The following PPM1L variants were observed in gnomAD, a reference collection of about 807,000 sequenced individuals.
PPM1L encodes protein phosphatase, Mg2+/Mn2+ dependent 1L, also known as protein phosphatase 1L.
PPM1L carries 13 observed loss-of-function variants against 31.4 expected under a neutral mutation model. That is an observed-to-expected ratio of 0.41 (90% CI 0.27 to 0.66). PPM1L has a LOEUF of 0.66. PPM1L is among the 30% of genes least tolerant of loss of function. The pLI is 0.29. For synonymous variants in PPM1L, 184 were observed against 175.4 expected, an observed-to-expected ratio of 1.05 and a Z score of -0.39; for missense variants, 326 against 453.7, an observed-to-expected ratio of 0.72 and a Z score of 2.56.
At chr3:160,996,503 T>C (rs915548293) in intron 2 of PPM1L, among the ~76,000 whole-genome samples, 2 of 152,148 alleles carry the variant, frequency 1.3e-5, no homozygotes, top group African/African-American at 2.4e-5. Context: ...CTGGATGGAA[T>C]TGGAGACCAT....
At chr3:160,888,295 T>G (rs1713005184) in intron 1 of PPM1L, among the ~76,000 whole-genome samples, 1 of 152,160 alleles carries the variant, frequency 6.6e-6, no homozygotes, top group African/African-American at 2.4e-5. Flanking sequence ...CCCATCCACA[T>G]GTAGAGACAC....
chr3:161,034,038 G>A (rs184803910), intron 2 of PPM1L, among the ~76,000 whole-genome samples: 74 of 152,208 alleles, frequency 4.9e-4, no homozygotes, highest in African/African-American at 1.5e-3. Context: ...TGAAGGATAC[G>A]AACAGACACT....
At chr3:160,866,642 G>A (rs1047445627) in intron 1 of PPM1L, among the ~76,000 whole-genome samples, 9 of 152,144 alleles carry the variant, frequency 5.9e-5, no homozygotes, top group South Asian at 2.1e-4. Flanking sequence ...AAAGTCAAAT[G>A]TGATTTTCAT....
intron 2 of PPM1L, among the ~76,000 whole-genome samples, chr3:161,063,419 A>T (rs776359521): frequency 2.6e-5 from 4 of 152,202 alleles, no homozygotes; most frequent in Non-Finnish European, 5.9e-5. Flanking sequence ...ATTTTTAGTT[A>T]AATAAGCTTA....
intron 1 of PPM1L, among the ~76,000 whole-genome samples, chr3:160,822,725 G>T (rs1713238039): frequency 6.6e-6 from 1 of 152,094 alleles, no homozygotes; most frequent in African/African-American, 2.4e-5. Flanking sequence ...ATGACAACTA[G>T]CATGCATCCA....
chr3:160,986,344 G>A (rs1403872251), intron 2 of PPM1L, among the ~76,000 whole-genome samples: 1 of 152,156 alleles, frequency 6.6e-6, no homozygotes, highest in African/African-American at 2.4e-5. Flanking sequence ...CTCCCATATT[G>A]GTAAGAGGTT....
chr3:160,803,664 T>C (rs1712504688), intron 1 of PPM1L, among the ~76,000 whole-genome samples: 1 of 152,240 alleles, frequency 6.6e-6, no homozygotes, highest in Non-Finnish European at 1.5e-5. Flanking sequence ...GATGACTTTG[T>C]TTATTTATTT....
intron 2 of PPM1L, among the ~76,000 whole-genome samples, chr3:161,029,020 G>C (rs1718486475): frequency 6.6e-6 from 1 of 152,126 alleles, no homozygotes; most frequent in African/African-American, 2.4e-5. Context: ...CTTATGGTGA[G>C]CATAATACTT....
At chr3:161,038,159 G>A (rs900331735) in intron 2 of PPM1L, among the ~76,000 whole-genome samples, 3 of 149,642 alleles carry the variant, frequency 2.0e-5, no homozygotes, top group Non-Finnish European at 3.0e-5. Flanking sequence ...GCGTGAACCC[G>A]GGAGGCGGAG....
At chr3:160,981,591 G>A (rs942412085) in intron 2 of PPM1L, among the ~76,000 whole-genome samples, 17 of 152,104 alleles carry the variant, frequency 1.1e-4, no homozygotes, top group African/African-American at 4.1e-4. Context: ...TTCATACTAA[G>A]CAAGGGTATG....
At chr3:161,061,458 C>G (rs1719565673) in intron 2 of PPM1L, among the ~76,000 whole-genome samples, 1 of 152,168 alleles carries the variant, frequency 6.6e-6, no homozygotes, top group African/African-American at 2.4e-5. Flanking sequence ...AAAGGCGGGT[C>G]ATCGATCTTA....
intron 2 of PPM1L, among the ~76,000 whole-genome samples, chr3:161,029,923 A>G (rs542544941): frequency 6.6e-6 from 1 of 152,224 alleles, no homozygotes; most frequent in South Asian, 2.1e-4. Flanking sequence ...TGCCACCACC[A>G]CCACCCTACA....
chr3:160,976,002 CT>C (rs1397653125), intron 2 of PPM1L, among the ~76,000 whole-genome samples: 234 of 143,838 alleles, frequency 1.6e-3, no homozygotes, highest in Non-Finnish European at 2.6e-3. Context: ...ATGATATTGG[CT>C]GTGGGTTTGT....
At chr3:160,853,299 T>C (rs1256069684) in intron 1 of PPM1L, among the ~76,000 whole-genome samples, 2 of 152,202 alleles carry the variant, frequency 1.3e-5, no homozygotes, top group Non-Finnish European at 2.9e-5. Context: ...TTCAGCCTAC[T>C]ACAAATACTT....
intron 2 of PPM1L, among the ~76,000 whole-genome samples, chr3:160,994,762 G>A (rs1717251551): frequency 6.6e-6 from 1 of 152,142 alleles, no homozygotes; most frequent in African/African-American, 2.4e-5. Context: ...ATGAACAAAT[G>A]ACTATCAGGG....
intron 2 of PPM1L, among the ~76,000 whole-genome samples, chr3:161,017,511 A>G (rs998772647): frequency 2.6e-5 from 4 of 152,152 alleles, no homozygotes; most frequent in Non-Finnish European, 5.9e-5. Context: ...TGCCTTACCA[A>G]GGGTCCACAG....
At chr3:160,849,124 A>C (rs1489327558) in intron 1 of PPM1L, among the ~76,000 whole-genome samples, 1 of 152,148 alleles carries the variant, frequency 6.6e-6, no homozygotes, top group Non-Finnish European at 1.5e-5. Flanking sequence ...TTAAACATTA[A>C]ATAATTGGTG....
At chr3:160,870,995 A>G (rs988236767) in intron 1 of PPM1L, among the ~76,000 whole-genome samples, 3 of 152,206 alleles carry the variant, frequency 2.0e-5, no homozygotes, top group African/African-American at 7.2e-5. Flanking sequence ...ATTAAACAGC[A>G]TGACCCTTTG....
At chr3:160,837,985 A>G (rs1292735641) in intron 1 of PPM1L, among the ~76,000 whole-genome samples, 1 of 152,194 alleles carries the variant, frequency 6.6e-6, no homozygotes, top group Non-Finnish European at 1.5e-5. Context: ...ACAAATGCTT[A>G]TAGAAGACTT....
Sources: gnomAD v4.1 joint callset for allele counts (sites outside exome capture counted in the v4.1 genomes callset) on GRCh38, gnomAD v4.1.1 for gene constraint, MANE v1.5 for transcripts, NCBI Gene and HGNC (gene_info 2026-07-23, HGNC 2026-07-21) for gene names.